Variants in TAF6L observed in about 807,000 individuals in gnomAD.
TAF6L encodes the protein TAF6-like RNA polymerase II p300/CBP-associated factor-associated factor 65 kDa subunit 6L.
In TAF6L, 34 loss-of-function variants were observed where a neutral mutation model predicts 57.3. The ratio of observed to expected loss-of-function variants is 0.59; its 90% CI spans 0.45 to 0.79. The LOEUF (loss-of-function observed/expected upper bound fraction) is 0.79, where lower values mean the gene tolerates loss of function less well. Ranked by LOEUF, TAF6L falls within the 30% of genes least tolerant of loss-of-function variation. The pLI, the probability that TAF6L is intolerant of heterozygous loss-of-function variation, is 0.00. For missense variants in TAF6L, 782 were observed against 853.2 expected (o/e 0.92, Z 1.04); for synonymous variants, 417 against 376.3 (o/e 1.11, Z -1.25).
chr11:62,775,221 A>C (rs1303307191), intron 1 of TAF6L, among the ~76,000 whole-genome samples: 1 of 152,182 alleles, frequency 6.6e-6, no homozygotes, highest in African/African-American at 2.4e-5. Flanking sequence ...GTGCCGAGCA[A>C]AAGGGGGAAA....
chr11:62,786,874 C>A lies in TAF6L; in HGVS notation c.1447C>A (p.Arg483=), dbSNP rs760558335. Residue 483 remains arginine (R), a synonymous_variant, in exon 11 of 11, where the codon CGG becomes AGG. Coordinates refer to ENST00000294168, the MANE Select transcript of TAF6L (RefSeq NM_006473.4). ...GCCGGCGGCAGCCCCGGACTCGGTG[C>A]GGAAGATGCCGCAGCTGACGGCAAG... is the stretch of plus-strand genomic sequence containing the variant. ...KEPAAAPDSV[R]KMPQLTASAI... is the part of the protein sequence containing the mutation. The A allele has an allele frequency of 4.6e-5, 73 of 1,576,166 alleles. No homozygotes were observed. Among genetic ancestry groups the A allele is most frequent in the Admixed American group, 1.4e-4 (8 of 56,052 alleles).
chr11:62,772,008 G>A, intron 1 of TAF6L: 1 of 436,504 alleles, frequency 2.3e-6, no homozygotes, highest in Non-Finnish European at 4.6e-6. Flanking sequence ...TCCTGAATGC[G>A]GTATAGAGTA....
At chr11:62,772,889 T>G (rs2084159988) in intron 1 of TAF6L, among the ~76,000 whole-genome samples, 1 of 152,032 alleles carries the variant, frequency 6.6e-6, no homozygotes, top group Non-Finnish European at 1.5e-5. Context: ...TGTTTTGTGT[T>G]TTTTTTGAGA....
rs749234149 is a variant in TAF6L at position 62,787,177 on chromosome 11, G to C, written c.1750G>C (p.Ala584Pro). ...GCGCCTTTTCCAGACTGCCTTCCCCGCGCCGTACGGGCCTAGCCCGGCCTC... is the reference window on the plus strand; with the variant it reads ...GCGCCTTTTCCAGACTGCCTTCCCCCCGCCGTACGGGCCTAGCCCGGCCTC... ...RGRLFQTAFPAPYGPSPASRY... is the reference protein window; with the variant it reads ...RGRLFQTAFPPPYGPSPASRY... Residue 584 changes from alanine (A) to proline (P), a missense_variant, in exon 11 of 11, where the codon GCG becomes CCG. Ala to Pro is a conservative substitution (Grantham distance 27). Around this residue, in one of 3 missense-constraint regions of TAF6L, gnomAD observed 483 missense variants for 445.1 expected, o/e 1.09. Coordinates refer to ENST00000294168, the MANE Select transcript of TAF6L (RefSeq NM_006473.4). The C allele has an allele frequency of 3.8e-6, 6 of 1,585,780 alleles. No individual in the cohort carries two copies. In the South Asian group the frequency reaches 6.7e-5, roughly 18 times the overall value.
Position 62,776,930 on chromosome 11 carries a change from C to T in TAF6L, c.234+460C>T, listed in dbSNP as rs371200546. On this transcript the variant is annotated intron_variant, in intron 3 of 10. Transcript: ENST00000294168. ...TTGGGAGGTGGAGGCCGGCGGATCA[C>T]GAAGTCAGGAGTTTGAGACCAACCT... 2.8e-4 allele frequency among the ~76,000 whole-genome samples: 43 copies of T among 151,650 alleles called. No homozygotes were observed. In the South Asian group the frequency reaches 7.7e-3, roughly 27 times the overall value.
intron 9 of TAF6L, among the ~76,000 whole-genome samples, chr11:62,785,508 G>A (rs1457620441): frequency 7.0e-6 from 1 of 142,498 alleles, no homozygotes. Flanking sequence ...TTCCTTATAG[G>A]CCCAGCTGGT....
chr11:62,786,162 T>C, intron 9 of TAF6L, 98 bp from the exon 10 acceptor site: 1 of 1,468,502 alleles, frequency 6.8e-7, no homozygotes, highest in East Asian at 2.3e-5. Context: ...GAGCCCTGTC[T>C]AGGATCAGAG....
At position 62,787,163 on chromosome 11, in the gene TAF6L, A is replaced by G. The variant is rs1436008042; in HGVS notation, c.1736A>G (p.Gln579Arg). ...AGRRCRGRLF[Q>R]TAFPAPYGPS... ...AGGCGCTGCCGCGGGCGCCTTTTCC[A>G]GACTGCCTTCCCCGCGCCGTACGGG... Residue 579 changes from glutamine (Q) to arginine (R), a missense_variant, in exon 11 of 11, where the codon CAG becomes CGG. This residue lies in a region of TAF6L where 483 missense variants were observed against 445.1 expected (regional missense o/e 1.09). Coordinates refer to ENST00000294168, the MANE Select transcript of TAF6L (RefSeq NM_006473.4). The G allele has an allele frequency of 1.3e-6, 2 of 1,580,392 alleles. No homozygotes were observed. The highest frequency in any genetic ancestry group is 1.4e-5 in the African/African-American group (1 of 73,084).
intron 5 of TAF6L, 70 bp from the exon 6 acceptor site, chr11:62,778,799 G>C (rs2084205640): frequency 1.5e-6 from 2 of 1,294,650 alleles, no homozygotes; most frequent in East Asian, 2.3e-5. Context: ...GGTTGAGGGG[G>C]AGGAGGCTGG....
chr11:62,778,762 C>A, intron 5 of TAF6L, 107 bp from the exon 6 acceptor site: 2 of 956,532 alleles, frequency 2.1e-6, no homozygotes, highest in Non-Finnish European at 1.7e-6. Context: ...GTCAGAAAGG[C>A]TTCTTGTGGA....
intron 9 of TAF6L, among the ~76,000 whole-genome samples, chr11:62,785,535 A>G (rs560857941): frequency 1.4e-4 from 19 of 136,042 alleles, no homozygotes; most frequent in African/African-American, 4.1e-4. Flanking sequence ...CTTATAGTTA[A>G]TTCTTTTTTT....
intron 3 of TAF6L, 48 bp from the exon 4 acceptor site, chr11:62,777,930 T>C: frequency 6.2e-7 from 1 of 1,603,064 alleles, no homozygotes; most frequent in East Asian, 2.2e-5. Flanking sequence ...TCCTGACGCC[T>C]GCTCCCTCCC....
At chr11:62,784,565 CAA>C (rs2084256696) in intron 9 of TAF6L, among the ~76,000 whole-genome samples, 1 of 152,128 alleles carries the variant, frequency 6.6e-6, no homozygotes, top group Non-Finnish European at 1.5e-5. Flanking sequence ...CTTGGCCTCC[CAA>C]AGTGTTGGGA....
At chr11:62,780,823 G>C (rs1565188560) in intron 6 of TAF6L, among the ~76,000 whole-genome samples, 2 of 150,854 alleles carry the variant, frequency 1.3e-5, no homozygotes, top group African/African-American at 2.4e-5. Flanking sequence ...TGTAATCCTA[G>C]CTACTTGCGA....
chr11:62,775,399 GTCATC>G (rs1353430737), intron 1 of TAF6L, among the ~76,000 whole-genome samples: 18 of 152,218 alleles, frequency 1.2e-4, no homozygotes, highest in Non-Finnish European at 2.1e-4. Flanking sequence ...AATCATATCA[GTCATC>G]TCATTTTCAC....
At position 62,778,001 on chromosome 11, in the gene TAF6L, G is replaced by T; in HGVS notation, c.258G>T (p.Gln86His). 1 of 1,614,202 alleles carries T rather than the reference G, an allele frequency of 6.2e-7. No homozygotes were observed. Among genetic ancestry groups the T allele is most frequent in the Non-Finnish European group, 8.5e-7 (1 of 1,180,034 alleles). Reference protein sequence around the residue: ...SVEAVCGYGSQEALPMRPARE... With the variant: ...SVEAVCGYGSHEALPMRPARE... The stretch of plus-strand genomic sequence containing the variant: ...AGGCTGTGTGTGGTTACGGATCACA[G>T]GAGGCACTGCCCATGCGCCCCGCCA... Residue 86 changes from glutamine (Q) to histidine (H), a missense_variant, in exon 4 of 11, where the codon CAG becomes CAT. Transcript: ENST00000294168.
In TAF6L at chr11:62,786,929, GC is replaced by G. The variant is rs1382423466; in HGVS notation, c.1507del (p.Arg503GlyfsTer62). 2.7e-6 allele frequency: 4 copies of G among 1,478,506 alleles called. No individual in the cohort carries two copies. Among genetic ancestry groups the G allele is most frequent in the Admixed American group, 2.4e-5 (1 of 41,914 alleles). The allele number at this position is 1,478,506 out of a possible 1,614,324, so 91.6% of individuals were successfully genotyped here. Reference protein sequence around the residue: ...SAIVSPHGDESPRGSGGGGPA... With the variant: ...SAIVSPHGDEXPRGSGGGGPA... ...ATAGTCAGCCCGCACGGCGACGAGA[GC>G]CCCCGGGGCAGCGGCGGAGGCGGCC... On this transcript the variant is annotated frameshift_variant, in exon 11 of 11. Transcript: ENST00000294168. LOFTEE classifies it high-confidence loss of function.
intron 6 of TAF6L, among the ~76,000 whole-genome samples, chr11:62,779,181 C>G (rs764448998): frequency 6.6e-6 from 1 of 151,830 alleles, no homozygotes; most frequent in Non-Finnish European, 1.5e-5. Flanking sequence ...CCAGCATGCC[C>G]GGCTAATTTT....
chr11:62,782,201 G>A lies in TAF6L; in HGVS notation c.695G>A (p.Gly232Glu), dbSNP rs138304617. ...TTTCGTAATCCGCACCTGTGCTTGG[G>A]GCCCTATGTCCGCTGTCTGGTGGGC... ...SLFRNPHLCL[G>E]PYVRCLVGSV... The change falls in exon 8 of 11, where the codon GGG becomes GAG. Residue 232 changes from glycine to glutamate, a missense_variant. Around this residue, in one of 3 missense-constraint regions of TAF6L, gnomAD observed 79 missense variants for 156.0 expected, o/e 0.51. Coordinates refer to ENST00000294168, the MANE Select transcript of TAF6L (RefSeq NM_006473.4). 3 of 1,614,048 alleles carry A rather than the reference G, an allele frequency of 1.9e-6. No homozygotes were observed. The African/African-American group carries it at 4.0e-5, about 22-fold the overall frequency.
Sources: allele counts gnomAD v4.1 joint callset (sites outside exome capture counted in the v4.1 genomes callset), GRCh38; gene constraint gnomAD v4.1.1; regional missense constraint gnomAD v4.1.1; transcripts MANE v1.5; gene names NCBI Gene and HGNC (gene_info 2026-07-23, HGNC 2026-07-21).